Variants in MEGF11 observed in about 807,000 individuals in gnomAD.
MEGF11 encodes the protein multiple EGF like domains 11, also known as multiple epidermal growth factor-like domains protein 11.
In MEGF11, 126 loss-of-function variants were observed where a neutral mutation model predicts 146.6. The ratio of observed to expected loss-of-function variants is 0.86; its 90% CI spans 0.74 to 1.00. MEGF11 has a LOEUF of 1.00. MEGF11 is among the 50% of genes least tolerant of loss of function. MEGF11 has a pLI of 0.00. For synonymous variants in MEGF11, 532 were observed against 583.4 expected (o/e 0.91, Z 1.27); for missense variants, 1,509 against 1,521.2 (o/e 0.99, Z 0.13).
At chr15:66,155,911 T>C (rs73469746) in intron 1 of MEGF11, among the ~76,000 whole-genome samples, 14,167 of 152,186 alleles carry the variant, frequency 0.093, 2,133 homozygotes, top group African/African-American at 0.32. Context: ...CTTACCCCTT[T>C]TCCAGGCATG....
In MEGF11 at chr15:66,201,398, G is replaced by T. The variant is rs1345081557; in HGVS notation, c.-9+52207C>A. ...ACAGTTGCTCTCAGAAGATTGTTGG[G>T]GTAGGGAGGGATTGACACAGGGTAG... On this transcript the variant is annotated intron_variant, in intron 1 of 25. Transcript: ENST00000395614. 2.6e-5 allele frequency among the ~76,000 whole-genome samples: 4 copies of T among 152,124 alleles called. No individual in the cohort carries two copies. The East Asian group carries it at 5.8e-4, about 22-fold the overall frequency.
At chr15:66,128,481 T>A (rs2088486808) in intron 1 of MEGF11, 70 bp from the exon 2 acceptor site, 1 of 853,834 alleles carries the variant, frequency 1.2e-6, no homozygotes, top group Non-Finnish European at 1.7e-6. Context: ...TAGTTTCCCA[T>A]CGTCGTGGGT....
At chr15:65,964,840 T>A (rs557220521) in intron 9 of MEGF11, 68 bp downstream of exon 9, 91 of 1,435,132 alleles carry the variant, frequency 6.3e-5, no homozygotes, top group Non-Finnish European at 7.8e-5. Context: ...GGCCACATCC[T>A]AGCAAGCCTC....
chr15:66,022,634 G>T (rs1023089404), intron 5 of MEGF11, among the ~76,000 whole-genome samples: 1 of 152,098 alleles, frequency 6.6e-6, no homozygotes, highest in African/African-American at 2.4e-5. Flanking sequence ...GGACCAGCCT[G>T]GGAAGTATAG....
chr15:66,224,020 C>T (rs1468623274), intron 1 of MEGF11, among the ~76,000 whole-genome samples: 1 of 152,038 alleles, frequency 6.6e-6, no homozygotes, highest in East Asian at 1.9e-4. Context: ...CCTCTTTTTT[C>T]AATCAGTCAT....
At chr15:66,159,078 T>C (rs1240488838) in intron 1 of MEGF11, among the ~76,000 whole-genome samples, 2 of 152,224 alleles carry the variant, frequency 1.3e-5, no homozygotes, top group African/African-American at 4.8e-5. Context: ...TTAGCTTGAG[T>C]AATAATGATT....
intron 4 of MEGF11, among the ~76,000 whole-genome samples, chr15:66,108,814 G>A (rs1431066975): frequency 6.6e-6 from 1 of 152,160 alleles, no homozygotes; most frequent in Non-Finnish European, 1.5e-5. Context: ...GATCAAAAGG[G>A]GGCCATTGGC....
At chr15:66,160,554 C>T (rs565958284) in intron 1 of MEGF11, among the ~76,000 whole-genome samples, 40 of 152,212 alleles carry the variant, frequency 2.6e-4, no homozygotes, top group African/African-American at 7.5e-4. Flanking sequence ...GCTGATATCA[C>T]ATCCATGAGG....
At chr15:66,174,524 A>C (rs2090342708) in intron 1 of MEGF11, among the ~76,000 whole-genome samples, 1 of 152,026 alleles carries the variant, frequency 6.6e-6, no homozygotes. Flanking sequence ...GGTTGGTTGG[A>C]TCAGATGAGC....
intron 7 of MEGF11, among the ~76,000 whole-genome samples, chr15:65,980,395 C>CTTTTTTTTTTTTTTT (rs60154748): frequency 1.4e-4 from 12 of 88,196 alleles, no homozygotes; most frequent in African/African-American, 5.0e-4. Context: ...AAGAATTCAG[C>CTTTTTTTTTTTTTTT]TTTTTTTTTT....
At chr15:66,062,358 G>A (rs895957951) in intron 5 of MEGF11, among the ~76,000 whole-genome samples, 12 of 152,352 alleles carry the variant, frequency 7.9e-5, no homozygotes, top group Middle Eastern at 3.4e-3. Flanking sequence ...AAAGACTTTT[G>A]TCCCTTACTA....
At chr15:66,141,455 C>T (rs2089165817) in intron 1 of MEGF11, among the ~76,000 whole-genome samples, 1 of 151,856 alleles carries the variant, frequency 6.6e-6, no homozygotes, top group Non-Finnish European at 1.5e-5. Flanking sequence ...GGCTGTGTGA[C>T]CTTGGGTAGG....
chr15:65,898,676 A>T (rs2078415065), intron 25 of MEGF11, 52 bp downstream of exon 25: 1 of 1,603,612 alleles, frequency 6.2e-7, no homozygotes. Flanking sequence ...TTTTACTTCA[A>T]ATGCTGCACT....
chr15:66,239,466 C>T (rs566721484), intron 1 of MEGF11, among the ~76,000 whole-genome samples: 5 of 152,336 alleles, frequency 3.3e-5, no homozygotes, highest in South Asian at 2.1e-4. Flanking sequence ...TGGCCCCAGT[C>T]GTGAATTGAT....
rs76095200 is a variant in MEGF11 at position 66,082,355 on chromosome 15, G to T, written c.394+12047C>A. Among the ~76,000 whole-genome samples, 4 of 142,552 alleles carry T rather than the reference G, an allele frequency of 2.8e-5. No individual in the cohort carries two copies. The Admixed American group carries it at 2.9e-4, about 10-fold the overall frequency. The allele number at this position is 142,552 out of a possible 152,430, so 93.5% of individuals were successfully genotyped here. A position where few individuals can be genotyped will look rare whatever the true frequency, so the allele number is the denominator to read the frequency against. ...GTAATTGCAACACTTGGGAGGCCTAGCAGGGGCAGATCACCCGAGGTGAGG... is the reference window on the plus strand; with the variant it reads ...GTAATTGCAACACTTGGGAGGCCTATCAGGGGCAGATCACCCGAGGTGAGG... On this transcript the variant is annotated intron_variant, in intron 5 of 25. Coordinates refer to ENST00000395614, the MANE Select transcript of MEGF11 (RefSeq NM_001385028.1).
intron 1 of MEGF11, among the ~76,000 whole-genome samples, chr15:66,225,082 A>G (rs1289599077): frequency 6.6e-6 from 1 of 152,208 alleles, no homozygotes; most frequent in Admixed American, 6.5e-5. Context: ...GGCAGTGTGC[A>G]GCAAGGCCCA....
chr15:65,937,576 C>G (rs1317297906), intron 10 of MEGF11, among the ~76,000 whole-genome samples: 1 of 152,230 alleles, frequency 6.6e-6, no homozygotes, highest in Non-Finnish European at 1.5e-5. Flanking sequence ...CCTACAAAGC[C>G]CTCTCCATTT....
chr15:65,930,288 G>C (rs2079527673), intron 11 of MEGF11, among the ~76,000 whole-genome samples: 1 of 152,130 alleles, frequency 6.6e-6, no homozygotes, highest in Admixed American at 6.5e-5. Flanking sequence ...CCTGTTCATG[G>C]TGGGGGCTGA....
chr15:65,930,610 AAAC>A (rs1234287685), intron 11 of MEGF11, among the ~76,000 whole-genome samples: 1 of 152,190 alleles, frequency 6.6e-6, no homozygotes. Flanking sequence ...TTAGCTCTTC[AAAC>A]AACATTGCAA....
Sources: allele counts gnomAD v4.1 joint callset (sites outside exome capture counted in the v4.1 genomes callset), GRCh38; gene constraint gnomAD v4.1.1; transcripts MANE v1.5; gene names NCBI Gene and HGNC (gene_info 2026-07-23, HGNC 2026-07-21).